TTPA: variants seen among roughly 807,000 people sequenced by gnomAD.
TTPA encodes alpha-tocopherol transfer protein.
Under a neutral mutation model 25.9 loss-of-function variants are expected in TTPA, and 23 were observed. The ratio of observed to expected loss-of-function variants is 0.89; its 90% confidence interval spans 0.64 to 1.26. The LOEUF is 1.26. TTPA is among the 50% of genes most tolerant of loss of function. TTPA has a pLI of 0.00. For synonymous variants in TTPA, 148 were observed against 137.3 expected (o/e 1.08, Z -0.54); for missense variants, 337 against 353.1 (o/e 0.95, Z 0.37).
chr8:63,059,254 G>A (rs1488749420), downstream of TTPA, among the ~76,000 whole-genome samples: 2 of 150,800 alleles, frequency 1.3e-5, no homozygotes, highest in Non-Finnish European at 3.0e-5. Flanking sequence ...GGATGGTCTC[G>A]ATCTCCTGAC....
In TTPA at chr8:63,061,342, T is replaced by C; in HGVS notation, c.747A>G (p.Glu249=). ...CCTGACAAATGTCCTCCATGGAGAATTCTTCACCACCATATTCCAGAGGAA... is the reference window on the plus strand; with the variant it reads ...CCTGACAAATGTCCTCCATGGAGAACTCTTCACCACCATATTCCAGAGGAA... ...DILPLEYGGE[E]FSMEDICQEW... is the part of the protein sequence containing the mutation. The change falls in exon 5 of 5, where the codon GAA becomes GAG. Residue 249 remains glutamate (E), a synonymous_variant. Coordinates refer to ENST00000260116, the MANE Select transcript of TTPA (RefSeq NM_000370.3). 2 of 1,613,872 alleles carry C rather than the reference T, an allele frequency of 1.2e-6. No individual in the cohort carries two copies. Among genetic ancestry groups the C allele is most frequent in the Non-Finnish European group, 1.7e-6 (2 of 1,179,846 alleles).
chr8:63,061,432 T>C lies in TTPA; in HGVS notation c.664-7A>G. On this transcript the variant is annotated splice_polypyrimidine_tract_variant and splice_region_variant and intron_variant, in intron 4 of 4. Coordinates refer to ENST00000260116, the MANE Select transcript of TTPA (RefSeq NM_000370.3). ...TGTTCCCATGCATGTGAATCTGAAA[T>C]AGCCAAAACACTTTAGAAGGAAACC... is the stretch of plus-strand genomic sequence containing the variant. 1 of 1,613,806 alleles carries C rather than the reference T, an allele frequency of 6.2e-7. No homozygotes were observed. Among genetic ancestry groups the C allele is most frequent in the Non-Finnish European group, 8.5e-7 (1 of 1,179,882 alleles).
In TTPA at chr8:63,061,402, G is replaced by A. The variant is rs1351627776; in HGVS notation, c.687C>T (p.Tyr229=). ...KERIHMHGNN[Y]KQSLLQHFPD... ...GGAAATGCTGAAGCAAGCTTTGTTT[G>A]TAGTTGTTCCCATGCATGTGAATCT... Residue 229 remains tyrosine, a synonymous_variant, in exon 5 of 5, where the codon TAC becomes TAT. Coordinates refer to ENST00000260116, the MANE Select transcript of TTPA (RefSeq NM_000370.3). 1 of 1,613,988 alleles carries A rather than the reference G, an allele frequency of 6.2e-7. No individual in the cohort carries two copies. Among genetic ancestry groups the A allele is most frequent in the South Asian group, 1.1e-5 (1 of 91,088 alleles).
At chr8:63,079,255 T>C (rs1805621040) in intron 1 of TTPA, among the ~76,000 whole-genome samples, 1 of 152,198 alleles carries the variant, frequency 6.6e-6, no homozygotes, top group African/African-American at 2.4e-5. Flanking sequence ...CCATCAATGC[T>C]ATGAAGCAAC....
Position 63,067,636 on chromosome 8 carries a change from A to AG in TTPA, c.359-1540dup, listed in dbSNP as rs1481286291. Among the ~76,000 whole-genome samples the AG allele has an allele frequency of 2.0e-5, 3 of 149,896 alleles. No homozygotes were observed. The East Asian group carries it at 5.8e-4, about 29-fold the overall frequency. On this transcript the variant is annotated intron_variant, in intron 2 of 4. Coordinates refer to ENST00000260116, the MANE Select transcript of TTPA (RefSeq NM_000370.3). The stretch of plus-strand genomic sequence containing the variant: ...TATTTTCAACTTTTATTTTAGATTC[A>AG]GGGGGTGCATGTGCAGATTTGTTAC...
Position 63,069,498 on chromosome 8 carries a change from TG to T in TTPA, c.359-3402del, listed in dbSNP as rs1805449243. 2.0e-5 allele frequency among the ~76,000 whole-genome samples: 3 copies of T among 151,624 alleles called. No individual in the cohort carries two copies. In the South Asian group the frequency reaches 6.3e-4, roughly 32 times the overall value. On this transcript the variant is annotated intron_variant, in intron 2 of 4. Transcript: ENST00000260116. ...GAATCCCAGCACTTTGTGGGTCTGA[TG>T]GGGGAGGATTGCTTGAGGCCAGGAG...
At position 63,063,018 on chromosome 8, in the gene TTPA, T is replaced by C. The variant is rs557493954; in HGVS notation, c.663+1188A>G. On this transcript the variant is annotated intron_variant, in intron 4 of 4. Coordinates refer to ENST00000260116, the MANE Select transcript of TTPA (RefSeq NM_000370.3). ...AAACAGAAGCATCCACTGCATAACC[T>C]CTAAAGAAGCTCTAGGGTCATAACT... Among the ~76,000 whole-genome samples the C allele has an allele frequency of 5.8e-4, 88 of 152,308 alleles. 1 individual carries two copies. The South Asian group carries it at 0.018, about 31-fold the overall frequency.
At chr8:63,067,445 A>C (rs957544638) in intron 2 of TTPA, among the ~76,000 whole-genome samples, 31 of 149,406 alleles carry the variant, frequency 2.1e-4, no homozygotes, top group African/African-American at 7.5e-4. Context: ...AGTTCTCCAA[A>C]GCTGAAAAAA....
At chr8:63,079,385 G>A (rs950726667) in intron 1 of TTPA, among the ~76,000 whole-genome samples, 1 of 152,090 alleles carries the variant, frequency 6.6e-6, no homozygotes, top group African/African-American at 2.4e-5. Context: ...GATACAGAGT[G>A]GCAAATTGAA....
chr8:63,085,947 C>T lies in TTPA; in HGVS notation c.75G>A (p.Gln25=). The T allele has an allele frequency of 6.6e-7, 1 of 1,523,632 alleles. No individual in the cohort carries two copies. The highest frequency in any genetic ancestry group is 8.7e-7 in the Non-Finnish European group (1 of 1,143,332). 94.4% of individuals were successfully genotyped at this position (1,523,632 alleles called of 1,614,324 possible). Residue 25 remains glutamine, a synonymous_variant, in exon 1 of 5, where the codon CAG becomes CAA. Coordinates refer to ENST00000260116, the MANE Select transcript of TTPA (RefSeq NM_000370.3). ...NALPDHSPLL[Q]PGLAALRRRA... ...GGCGCCGCAGCGCCGCCAGGCCCGG[C>T]TGCAGCAACGGAGAGTGGTCCGGTA... is the stretch of plus-strand genomic sequence containing the variant.
At chr8:63,080,960 C>G (rs1420386654) in intron 1 of TTPA, among the ~76,000 whole-genome samples, 1 of 151,390 alleles carries the variant, frequency 6.6e-6, no homozygotes, top group South Asian at 2.1e-4. Flanking sequence ...AGTTGAATCT[C>G]TGAATAGACC....
At chr8:63,066,259 T>C (rs1057499096) in intron 2 of TTPA, among the ~76,000 whole-genome samples, 162 bp from the exon 3 acceptor site, 12 of 152,232 alleles carry the variant, frequency 7.9e-5, no homozygotes, top group African/African-American at 2.7e-4. Context: ...CAAGAACATG[T>C]GCCTGCTTCT....
At chr8:63,064,599 A>C (rs1351785672) in intron 3 of TTPA, among the ~76,000 whole-genome samples, 1 of 152,194 alleles carries the variant, frequency 6.6e-6, no homozygotes, top group Admixed American at 6.5e-5. Flanking sequence ...CATCACATAT[A>C]GATGTTCTTT....
chr8:63,076,709 T>C, intron 1 of TTPA, among the ~76,000 whole-genome samples: 1 of 152,202 alleles, frequency 6.6e-6, no homozygotes, highest in Admixed American at 6.5e-5. Context: ...ATGAAACATG[T>C]TTTATTGTTA....
At chr8:63,073,787 G>T (rs946893401) in intron 1 of TTPA, among the ~76,000 whole-genome samples, 1 of 152,096 alleles carries the variant, frequency 6.6e-6, no homozygotes, top group Admixed American at 6.6e-5. Context: ...AGTATTTTTT[G>T]AAATAAGGAA....
At chr8:63,074,064 T>C (rs1186905385) in intron 1 of TTPA, among the ~76,000 whole-genome samples, 1 of 130,552 alleles carries the variant, frequency 7.7e-6, no homozygotes, top group African/African-American at 2.5e-5. Flanking sequence ...CAAGTTACAA[T>C]ACATTTGTTT....
At position 63,064,305 on chromosome 8, in the gene TTPA, T is replaced by C; in HGVS notation, c.564A>G (p.Pro188=). 1 of 1,610,320 alleles carries C rather than the reference T, an allele frequency of 6.2e-7. No individual in the cohort carries two copies. The highest frequency in any genetic ancestry group is 8.5e-7 in the Non-Finnish European group (1 of 1,177,188). ...TCAAATGGATGCCACGAACTTTCAA[T>C]GGAAATGAATCCTTTTGAAAATAAA... ...KIAAVLTDSF[P]LKVRGIHLIN... is the part of the protein sequence containing the mutation. Residue 188 remains proline, a synonymous_variant, in exon 4 of 5, where the codon CCA becomes CCG. Coordinates refer to ENST00000260116, the MANE Select transcript of TTPA (RefSeq NM_000370.3).
intron 1 of TTPA, among the ~76,000 whole-genome samples, chr8:63,080,491 G>A (rs1261379992): frequency 2.0e-5 from 3 of 152,104 alleles, no homozygotes; most frequent in Admixed American, 6.5e-5. Context: ...GGAGGCCAAG[G>A]CAGGCGGATC....
At chr8:63,073,853 T>A (rs1044423465) in intron 1 of TTPA, among the ~76,000 whole-genome samples, 5 of 152,206 alleles carry the variant, frequency 3.3e-5, no homozygotes, top group Admixed American at 6.5e-5. Flanking sequence ...ACTTGGATAC[T>A]GGATCTTGTC....
Sources: gnomAD v4.1 joint callset for allele counts (sites outside exome capture counted in the v4.1 genomes callset) on GRCh38, gnomAD v4.1.1 for gene constraint, MANE v1.5 for transcripts, NCBI Gene and HGNC (gene_info 2026-07-23, HGNC 2026-07-21) for gene names.